The following SCN11A variants were observed in gnomAD, a reference collection of about 807,000 sequenced individuals.
SCN11A encodes the protein sodium voltage-gated channel alpha subunit 11, also known as sodium channel protein type 11 subunit alpha.
SCN11A carries 122 observed loss-of-function variants against 162.2 expected under a neutral mutation model. The observed-to-expected ratio is 0.75, with a 90% CI of 0.65 to 0.87. The LOEUF (loss-of-function observed/expected upper bound fraction) is 0.87, where lower values mean the gene tolerates loss of function less well. Among genes scored for constraint, SCN11A ranks in the 40% least tolerant of loss-of-function variants. The probability of loss-of-function intolerance (pLI) is 0.00; values close to 1 mark genes in which losing one functional copy is unlikely to be tolerated. For synonymous variants in SCN11A, 758 were observed against 751.5 expected (o/e 1.01, Z -0.14); for missense variants, 2,015 against 2,181.6 (o/e 0.92, Z 1.52).
Position 38,923,678 on chromosome 3 carries a change from T to G in SCN11A, c.712+1737A>C, listed in dbSNP as rs115355421. 8.0e-3 allele frequency among the ~76,000 whole-genome samples: 1,222 copies of G among 152,310 alleles called. 19 individuals are homozygous for G. Among genetic ancestry groups the G allele is most frequent in the African/African-American group, 0.028 (1,175 of 41,570 alleles). ...CTACCACTACCTGATCAGAGAGCACTGCCATCCCTTGCTTGGATTATGGTC... is the reference window on the plus strand; with the variant it reads ...CTACCACTACCTGATCAGAGAGCACGGCCATCCCTTGCTTGGATTATGGTC... On this transcript the variant is annotated intron_variant, in intron 9 of 29. Coordinates refer to ENST00000302328, the MANE Select transcript of SCN11A (RefSeq NM_001349253.2).
intron 28 of SCN11A, among the ~76,000 whole-genome samples, chr3:38,853,658 G>A (rs892608039): frequency 2.3e-4 from 35 of 152,162 alleles, no homozygotes; most frequent in Middle Eastern, 3.4e-3. Context: ...TCTGGGTGCC[G>A]AGAATAGCAG....
chr3:39,003,652 T>C (rs1395195464), intron 2 of SCN11A, among the ~76,000 whole-genome samples: 1 of 152,208 alleles, frequency 6.6e-6, no homozygotes, highest in African/African-American at 2.4e-5. Context: ...CCACCAACAG[T>C]GTATGTGTTC....
rs578001382 is a variant in SCN11A, at chr3:39,041,527, A to G, written c.-403-9024T>C. Reference sequence around the variant, plus strand: ...GCATTTTTCTCAGCAGAAACCTTACAGGCCGGGAGAGAATGGGATGATATA... The same window carrying G: ...GCATTTTTCTCAGCAGAAACCTTACGGGCCGGGAGAGAATGGGATGATATA... On this transcript the variant is annotated intron_variant, in intron 1 of 29. Coordinates refer to ENST00000302328, the MANE Select transcript of SCN11A (RefSeq NM_001349253.2). Among the ~76,000 whole-genome samples, 93 of 152,364 alleles carry G rather than the reference A, an allele frequency of 6.1e-4. 1 individual carries two copies. The Middle Eastern group carries it at 0.014, about 22-fold the overall frequency.
At chr3:38,948,236 C>T (rs1350015455) in intron 5 of SCN11A, among the ~76,000 whole-genome samples, 1 of 152,232 alleles carries the variant, frequency 6.6e-6, no homozygotes, top group African/African-American at 2.4e-5. Flanking sequence ...CAGAAACAAA[C>T]CTCTCTTTGA....
intron 2 of SCN11A, among the ~76,000 whole-genome samples, chr3:38,969,490 G>A (rs568357154): frequency 8.5e-5 from 13 of 152,300 alleles, no homozygotes; most frequent in African/African-American, 2.9e-4. Context: ...GGGAGTGAGG[G>A]AGTTGAGTTG....
chr3:38,873,469 T>C (rs769396060), intron 23 of SCN11A, among the ~76,000 whole-genome samples: 13 of 152,220 alleles, frequency 8.5e-5, no homozygotes, highest in Non-Finnish European at 1.5e-4. Context: ...GTATTTATAA[T>C]GTTTTTAGTG....
At position 38,908,002 on chromosome 3, in the gene SCN11A, ACT is replaced by A. The variant is rs1292047668; in HGVS notation, c.1418_1419del (p.Glu473ValfsTer12). ...NKKRKSFFLRESGKDQPPGSD... is the reference protein window; with the variant it reads ...NKKRKSFFLRXSGKDQPPGSD... ...GACCCAGGAGGCTGGTCTTTCCCAG[ACT>A]CTCTCAAAAAGAAGGACTTCCTTTT... On this transcript the variant is annotated frameshift_variant, in exon 14 of 30. Transcript: ENST00000302328. LOFTEE classifies it high-confidence loss of function. 3 of 1,612,984 alleles carry A rather than the reference ACT, an allele frequency of 1.9e-6. No individual in the cohort carries two copies. The African/African-American group carries it at 4.0e-5, about 22-fold the overall frequency.
At chr3:38,998,667 A>G (rs1201319277) in intron 2 of SCN11A, among the ~76,000 whole-genome samples, 1 of 152,146 alleles carries the variant, frequency 6.6e-6, no homozygotes, top group Non-Finnish European at 1.5e-5. Flanking sequence ...CAAATGTCCA[A>G]CAATGATAGA....
chr3:38,913,904 A>G (rs2065920840), intron 11 of SCN11A, among the ~76,000 whole-genome samples: 2 of 152,066 alleles, frequency 1.3e-5, no homozygotes, highest in African/African-American at 4.8e-5. Context: ...GCCCTGTTGT[A>G]TATTTTGAAG....
intron 26 of SCN11A, among the ~76,000 whole-genome samples, chr3:38,869,312 G>C (rs1022999090): frequency 6.6e-6 from 1 of 152,108 alleles, no homozygotes; most frequent in Non-Finnish European, 1.5e-5. Context: ...CCAAACTAGA[G>C]TGAAGGTCAT....
intron 28 of SCN11A, among the ~76,000 whole-genome samples, chr3:38,852,833 C>G (rs917195070): frequency 6.6e-6 from 1 of 152,178 alleles, no homozygotes; most frequent in Non-Finnish European, 1.5e-5. Context: ...TCAGGGACTT[C>G]TGGTGATATG....
At chr3:38,959,792 G>A (rs1049347757) in intron 3 of SCN11A, among the ~76,000 whole-genome samples, 5 of 152,112 alleles carry the variant, frequency 3.3e-5, no homozygotes, top group Non-Finnish European at 7.4e-5. Flanking sequence ...GAAAGCAAAC[G>A]AACATGATCA....
chr3:38,910,216 T>C lies in SCN11A; in HGVS notation c.960-9A>G, dbSNP rs772730864. 8 of 1,606,024 alleles carry C rather than the reference T, an allele frequency of 5.0e-6. No individual in the cohort carries two copies. The East Asian group carries it at 1.3e-4, about 27-fold the overall frequency. ...ATTGTATGGAACAGGCACTAGATAT[T>C]GGAAACAAACAGAGAAATAATTATG... On this transcript the variant is annotated splice_polypyrimidine_tract_variant and intron_variant, in intron 11 of 29. Transcript: ENST00000302328.
chr3:38,895,549 T>C lies in SCN11A; in HGVS notation c.2404-585A>G, dbSNP rs572223655. Among the ~76,000 whole-genome samples the C allele has an allele frequency of 3.9e-5, 6 of 152,306 alleles. No individual in the cohort carries two copies. The South Asian group carries it at 1.2e-3, about 32-fold the overall frequency. On this transcript the variant is annotated intron_variant, in intron 18 of 29. Coordinates refer to ENST00000302328, the MANE Select transcript of SCN11A (RefSeq NM_001349253.2). ...TAATCCCAATAGCTTCCTACCTGGGTTCTTTGCTCATAATTACACACTCTC... is the reference window on the plus strand; with the variant it reads ...TAATCCCAATAGCTTCCTACCTGGGCTCTTTGCTCATAATTACACACTCTC...
intron 6 of SCN11A, 73 bp downstream of exon 6, chr3:38,946,716 T>C (rs2066521790): frequency 2.1e-6 from 2 of 940,490 alleles, no homozygotes; most frequent in Non-Finnish European, 3.3e-6. Flanking sequence ...TTCCATCCAA[T>C]AACATGAACA....
intron 2 of SCN11A, among the ~76,000 whole-genome samples, chr3:38,997,879 T>C (rs1392274372): frequency 6.6e-6 from 1 of 152,228 alleles, no homozygotes; most frequent in East Asian, 1.9e-4. Context: ...CCAATGCCTG[T>C]TAAGGTACAT....
chr3:38,961,251 C>T (rs1189714714), intron 2 of SCN11A, among the ~76,000 whole-genome samples: 2 of 152,210 alleles, frequency 1.3e-5, no homozygotes, highest in African/African-American at 4.8e-5. Context: ...ACTTAGTTTC[C>T]TGAGCCTTAG....
chr3:38,929,893 C>T (rs1411052548), intron 7 of SCN11A, among the ~76,000 whole-genome samples: 3 of 152,116 alleles, frequency 2.0e-5, no homozygotes, highest in African/African-American at 7.2e-5. Context: ...AGATACAGAC[C>T]CTTTGATCTT....
In SCN11A at chr3:38,857,225, G is replaced by A. The variant is rs190594423; in HGVS notation, c.4056+5970C>T. ...GCTAATCAAGGAGATACCAAAGAAA[G>A]GTGAAAACCCACTTAAAGAAATTTA... On this transcript the variant is annotated intron_variant, in intron 28 of 29. Coordinates refer to ENST00000302328, the MANE Select transcript of SCN11A (RefSeq NM_001349253.2). Among the ~76,000 whole-genome samples, 8 of 151,848 alleles carry A rather than the reference G, an allele frequency of 5.3e-5. No individual in the cohort carries two copies. The South Asian group carries it at 1.2e-3, about 24-fold the overall frequency.
Sources: allele counts gnomAD v4.1 joint callset (sites outside exome capture counted in the v4.1 genomes callset), GRCh38; gene constraint gnomAD v4.1.1; transcripts MANE v1.5; gene names NCBI Gene and HGNC (gene_info 2026-07-23, HGNC 2026-07-21).